Variants in ASTN2 observed in about 807,000 individuals in gnomAD.
ASTN2 encodes the protein astrotactin 2.
ASTN2 carries 54 observed loss-of-function variants against 139.8 expected under a neutral mutation model. The ratio of observed to expected loss-of-function variants is 0.39; its 90% CI spans 0.31 to 0.48. ASTN2 has a LOEUF of 0.48. ASTN2 is among the 20% of genes least tolerant of loss of function. ASTN2 has a pLI of 0.95. For synonymous variants in ASTN2, 756 were observed against 719.5 expected, an observed-to-expected ratio of 1.05 and a Z score of -0.81; for missense variants, 1,565 against 1,725.1, an observed-to-expected ratio of 0.91 and a Z score of 1.64.
chr9:116,823,994 T>C (rs1831556796), intron 11 of ASTN2, among the ~76,000 whole-genome samples: 1 of 152,206 alleles, frequency 6.6e-6, no homozygotes, highest in Non-Finnish European at 1.5e-5. Flanking sequence ...GTTATAATAG[T>C]ATGGACCATG....
At chr9:117,190,875 G>T (rs528631676) in intron 3 of ASTN2, among the ~76,000 whole-genome samples, 9 of 151,700 alleles carry the variant, frequency 5.9e-5, no homozygotes, top group African/African-American at 2.2e-4. Flanking sequence ...TTGTTCATTT[G>T]CTTATAGTCT....
At chr9:116,765,710 G>A (rs1342405491) in intron 13 of ASTN2, among the ~76,000 whole-genome samples, 1 of 151,828 alleles carries the variant, frequency 6.6e-6, no homozygotes, top group Non-Finnish European at 1.5e-5. Flanking sequence ...AAAAATAGAA[G>A]GGAAAAATCT....
At chr9:116,930,266 A>G (rs1479254005) in intron 10 of ASTN2, among the ~76,000 whole-genome samples, 1 of 152,068 alleles carries the variant, frequency 6.6e-6, no homozygotes, top group Non-Finnish European at 1.5e-5. Context: ...AGTTTCTTGG[A>G]AGGTGATGGA....
At chr9:116,512,957 T>A (rs947915230) in intron 19 of ASTN2, among the ~76,000 whole-genome samples, 1 of 152,224 alleles carries the variant, frequency 6.6e-6, no homozygotes, top group Non-Finnish European at 1.5e-5. Context: ...TTTATCCAAT[T>A]TGCCAATCTG....
intron 16 of ASTN2, among the ~76,000 whole-genome samples, chr9:116,667,247 C>T (rs2131976457): frequency 6.6e-6 from 1 of 152,108 alleles, no homozygotes; most frequent in East Asian, 1.9e-4. Flanking sequence ...TGAACCACCA[C>T]ACCTGGCCTT....
intron 11 of ASTN2, among the ~76,000 whole-genome samples, chr9:116,856,499 C>T (rs1420019099): frequency 1.3e-5 from 2 of 152,112 alleles, no homozygotes; most frequent in Non-Finnish European, 2.9e-5. Context: ...CCTTTAATTA[C>T]ACTGCAATTG....
chr9:117,209,831 A>G (rs1351442944), intron 3 of ASTN2, among the ~76,000 whole-genome samples: 1 of 152,188 alleles, frequency 6.6e-6, no homozygotes, highest in Non-Finnish European at 1.5e-5. Flanking sequence ...AGAAAATTTT[A>G]AAACACTGAA....
intron 1 of ASTN2, among the ~76,000 whole-genome samples, chr9:117,373,354 A>T (rs1424894468): frequency 6.6e-6 from 1 of 152,178 alleles, no homozygotes; most frequent in Non-Finnish European, 1.5e-5. Context: ...ATTTGAGAAC[A>T]TGTTTATCTG....
In ASTN2 at chr9:117,342,167, C is replaced by T. The variant is rs184857890; in HGVS notation, c.443-50654G>A. Among the ~76,000 whole-genome samples, 23 of 152,180 alleles carry T rather than the reference C, an allele frequency of 1.5e-4. No homozygotes were observed. In the East Asian group the frequency reaches 2.9e-3, roughly 19 times the overall value. On this transcript the variant is annotated intron_variant, in intron 1 of 22. Coordinates refer to ENST00000313400, the MANE Select transcript of ASTN2 (RefSeq NM_001365068.1). ...CTGTTGTTAACGGAACTCAGGTCCCCGAACAAAGGCATCCTGGGTCTGTGA... is the reference window on the plus strand; with the variant it reads ...CTGTTGTTAACGGAACTCAGGTCCCTGAACAAAGGCATCCTGGGTCTGTGA...
At chr9:116,878,190 C>A (rs1267334861) in intron 10 of ASTN2, among the ~76,000 whole-genome samples, 1 of 152,044 alleles carries the variant, frequency 6.6e-6, no homozygotes, top group African/African-American at 2.4e-5. Flanking sequence ...ATCATTTGAC[C>A]CCCTGTTACT....
chr9:116,848,520 A>G (rs1358753110), intron 11 of ASTN2, among the ~76,000 whole-genome samples: 1 of 152,220 alleles, frequency 6.6e-6, no homozygotes, highest in East Asian at 1.9e-4. Flanking sequence ...GAAGCGCAGC[A>G]CGAAGAGGTG....
At chr9:116,706,387 A>G (rs370591088) in intron 16 of ASTN2, among the ~76,000 whole-genome samples, 1 of 152,024 alleles carries the variant, frequency 6.6e-6, no homozygotes, top group Non-Finnish European at 1.5e-5. Context: ...CCAGTAAGAA[A>G]GCTCAAATGC....
intron 16 of ASTN2, among the ~76,000 whole-genome samples, chr9:116,674,446 C>T (rs1859381850): frequency 6.6e-6 from 1 of 152,220 alleles, no homozygotes; most frequent in Admixed American, 6.5e-5. Flanking sequence ...CACCTGTGGG[C>T]AATTAATCTG....
intron 1 of ASTN2, among the ~76,000 whole-genome samples, chr9:117,315,806 A>G (rs1226660744): frequency 6.6e-6 from 1 of 152,214 alleles, no homozygotes; most frequent in Non-Finnish European, 1.5e-5. Context: ...GGAGCACTCC[A>G]CAATAAGAAG....
chr9:116,976,039 G>A, intron 9 of ASTN2, 75 bp downstream of exon 9: 1 of 1,415,344 alleles, frequency 7.1e-7, no homozygotes, highest in South Asian at 1.2e-5. Flanking sequence ...ATAGTCTAAG[G>A]ATCCATGACC....
chr9:116,640,939 G>A (rs1857296331), intron 17 of ASTN2, among the ~76,000 whole-genome samples: 1 of 152,048 alleles, frequency 6.6e-6, no homozygotes, highest in Non-Finnish European at 1.5e-5. Context: ...AAATCTACAG[G>A]ACTTGGAATG....
chr9:117,119,340 C>T (rs1829482653), intron 4 of ASTN2, among the ~76,000 whole-genome samples: 1 of 152,140 alleles, frequency 6.6e-6, no homozygotes, highest in African/African-American at 2.4e-5. Flanking sequence ...GTGCTATTTC[C>T]CAATTGCTTC....
intron 3 of ASTN2, among the ~76,000 whole-genome samples, chr9:117,151,338 G>A (rs1445835195): frequency 6.6e-6 from 1 of 152,078 alleles, no homozygotes; most frequent in Non-Finnish European, 1.5e-5. Context: ...TCAGAGGAAG[G>A]CCACATCATA....
At chr9:116,720,053 C>G (rs538829026) in intron 16 of ASTN2, among the ~76,000 whole-genome samples, 1 of 152,080 alleles carries the variant, frequency 6.6e-6, no homozygotes, top group African/African-American at 2.4e-5. Flanking sequence ...GAGAATTATC[C>G]AGCTCTCATC....
Sources: gnomAD v4.1 joint callset for allele counts (sites outside exome capture counted in the v4.1 genomes callset) on GRCh38, gnomAD v4.1.1 for gene constraint, MANE v1.5 for transcripts, NCBI Gene and HGNC (gene_info 2026-07-23, HGNC 2026-07-21) for gene names.